Variants in MMP20 observed in about 807,000 individuals in gnomAD.
The protein encoded by MMP20 is matrix metalloproteinase-20.
In MMP20, 50 loss-of-function variants were observed where a neutral mutation model predicts 51.8. The observed-to-expected ratio is 0.97, with a 90% CI of 0.77 to 1.22. The LOEUF is 1.22. Ranked by LOEUF, MMP20 falls within the 50% of genes most tolerant of loss-of-function variation. The probability of loss-of-function intolerance (pLI) is 0.00; values close to 1 mark genes in which losing one functional copy is unlikely to be tolerated. For synonymous variants in MMP20, 244 were observed against 216.2 expected, an observed-to-expected ratio of 1.13 and a Z score of -1.13; for missense variants, 663 against 601.4, an observed-to-expected ratio of 1.10 and a Z score of -1.07.
intron 8 of MMP20, among the ~76,000 whole-genome samples, 174 bp downstream of exon 8, chr11:102,593,265 G>A (rs1311688486): frequency 6.6e-6 from 1 of 152,198 alleles, no homozygotes; most frequent in Non-Finnish European, 1.5e-5. Flanking sequence ...TCATCATTTT[G>A]ATGGTTCCAT....
intron 8 of MMP20, among the ~76,000 whole-genome samples, chr11:102,592,188 A>G (rs1859325253): frequency 6.6e-6 from 1 of 152,192 alleles, no homozygotes; most frequent in Non-Finnish European, 1.5e-5. Context: ...ACTTTAGAGA[A>G]TCATACTCTG....
intron 5 of MMP20, 116 bp from the exon 6 acceptor site, chr11:102,606,792 A>G: frequency 7.9e-7 from 1 of 1,270,288 alleles, no homozygotes; most frequent in Non-Finnish European, 1.1e-6. Context: ...GATCATGATC[A>G]TGGCTGTTGA....
At position 102,592,695 on chromosome 11, in the gene MMP20, CG is replaced by C. The variant is rs529972954; in HGVS notation, c.1247+743del. 4.9e-3 allele frequency among the ~76,000 whole-genome samples: 751 copies of C among 152,250 alleles called. 3 individuals carry two copies. The highest frequency in any genetic ancestry group is 0.017 in the African/African-American group (704 of 41,532). On this transcript the variant is annotated intron_variant, in intron 8 of 9. Transcript: ENST00000260228. ...TAGAATCTGCTTTTGCTTTTCTCTT[CG>C]GATGTTTAGATAAACAGGCAAAAAA...
At chr11:102,594,302 T>C (rs944655802) in intron 7 of MMP20, among the ~76,000 whole-genome samples, 2 of 152,208 alleles carry the variant, frequency 1.3e-5, no homozygotes, top group East Asian at 1.9e-4. Context: ...TTAAAGGATG[T>C]CAGTAGAGTA....
chr11:102,616,696 T>G, intron 2 of MMP20, 116 bp downstream of exon 2: 1 of 1,336,134 alleles, frequency 7.5e-7, no homozygotes, highest in East Asian at 2.4e-5. Flanking sequence ...CTTATTCTTA[T>G]GGTTGTGAGG....
At chr11:102,594,843 C>T in intron 6 of MMP20, 86 bp from the exon 7 acceptor site, 1 of 1,519,448 alleles carries the variant, frequency 6.6e-7, no homozygotes, top group Non-Finnish European at 8.9e-7. Context: ...CTGAAATGTA[C>T]TCAGAGGCCA....
chr11:102,624,222 A>G (rs1047454455), intron 1 of MMP20, among the ~76,000 whole-genome samples: 8 of 152,220 alleles, frequency 5.3e-5, no homozygotes, highest in African/African-American at 1.7e-4. Context: ...AGCAGCCCTG[A>G]GGCGGAGCTG....
At chr11:102,596,746 C>G (rs943440214) in intron 6 of MMP20, among the ~76,000 whole-genome samples, 12 of 152,194 alleles carry the variant, frequency 7.9e-5, no homozygotes, top group South Asian at 2.1e-4. Flanking sequence ...GTCACATGTC[C>G]GATCTCACCT....
rs199623165 is a variant in MMP20 at position 102,611,803 on chromosome 11, T to C, written c.475A>G (p.Arg159Gly). Reference protein sequence around the residue: ...WSSAVPLSFVRINSGEADIMI... With the variant: ...WSSAVPLSFVGINSGEADIMI... ...ATATCCGCTTCTCCTGAGTTTATTC[T>C]GACAAAGCTCAGAGGGACGGCGCTA... is the stretch of plus-strand genomic sequence containing the variant. Residue 159 changes from arginine (R) to glycine (G), a missense_variant, in exon 3 of 10, where the codon AGA (arginine) becomes GGA (glycine). Physicochemically the swap from Arg to Gly is moderately radical, Grantham distance 125. Coordinates refer to ENST00000260228, the MANE Select transcript of MMP20 (RefSeq NM_004771.4). 5 of 1,614,124 alleles carry C rather than the reference T, an allele frequency of 3.1e-6. No individual in the cohort carries two copies. Among genetic ancestry groups the C allele is most frequent in the African/African-American group, 1.3e-5 (1 of 74,946 alleles).
intron 6 of MMP20, 46 bp from the exon 7 acceptor site, chr11:102,594,803 G>C: frequency 6.3e-7 from 1 of 1,584,796 alleles, no homozygotes; most frequent in Non-Finnish European, 8.6e-7. Context: ...CAAGATCAAT[G>C]ATTGATTTAC....
In MMP20 at chr11:102,577,525, A is replaced by G. The variant is rs2292730; in HGVS notation, c.1352-99T>C. ...TCACTTTCTTAAAGTGTCACCAAAG[A>G]GGAATTGTGAATTTGTCAGGTGGCA... On this transcript the variant is annotated intron_variant, in intron 9 of 9. Coordinates refer to ENST00000260228, the MANE Select transcript of MMP20 (RefSeq NM_004771.4). 487,948 of 843,940 alleles carry G rather than the reference A, an allele frequency of 0.58. 144,235 individuals carry two copies. The highest frequency in any genetic ancestry group is 0.78 in the East Asian group (29,109 of 37,244). The allele number at this position is 843,940 out of a possible 1,614,324, so 52.3% of individuals were successfully genotyped here.
At chr11:102,579,192 G>A in intron 8 of MMP20, 50 bp from the exon 9 acceptor site, 1 of 1,308,036 alleles carries the variant, frequency 7.6e-7, no homozygotes, top group Non-Finnish European at 1.1e-6. Flanking sequence ...GTTTTTACTG[G>A]TTGTAGATGA....
chr11:102,581,949 G>A (rs1300648347), intron 8 of MMP20, among the ~76,000 whole-genome samples: 4 of 150,602 alleles, frequency 2.7e-5, no homozygotes, highest in Non-Finnish European at 6.0e-5. Flanking sequence ...TCATCACTGA[G>A]GTCTTGTTTG....
At chr11:102,620,040 A>G (rs1036363964) in intron 1 of MMP20, among the ~76,000 whole-genome samples, 3 of 152,248 alleles carry the variant, frequency 2.0e-5, no homozygotes, top group African/African-American at 7.2e-5. Context: ...CTAGTAAAAC[A>G]CTTGTCTCAT....
chr11:102,577,165 A>G lies in MMP20; in HGVS notation c.*161T>C, dbSNP rs1591605910. ...TGTGGATTGAAATTCTGATTATACA[A>G]CTATGAAAAAAATTGGAAGTATTAT... On this transcript the variant is annotated 3_prime_UTR_variant, in exon 10 of 10. Coordinates refer to ENST00000260228, the MANE Select transcript of MMP20 (RefSeq NM_004771.4). 1.6e-6 allele frequency: 1 copy of G among 623,998 alleles called. No individual in the cohort carries two copies. Among genetic ancestry groups the G allele is most frequent in the East Asian group, 2.8e-5 (1 of 35,200 alleles). The allele number at this position is 623,998 out of a possible 1,614,324, so 38.7% of individuals were successfully genotyped here.
At chr11:102,594,281 G>C (rs988702250) in intron 7 of MMP20, among the ~76,000 whole-genome samples, 1 of 152,138 alleles carries the variant, frequency 6.6e-6, no homozygotes, top group Non-Finnish European at 1.5e-5. Flanking sequence ...TTCCACACTG[G>C]CTTTTATTTA....
At chr11:102,582,530 G>T (rs1221401383) in intron 8 of MMP20, among the ~76,000 whole-genome samples, 2 of 152,102 alleles carry the variant, frequency 1.3e-5, no homozygotes, top group African/African-American at 2.4e-5. Flanking sequence ...GAATGAAGTG[G>T]GCTTTGTGAT....
At chr11:102,620,114 C>T (rs1329648112) in intron 1 of MMP20, among the ~76,000 whole-genome samples, 2 of 152,144 alleles carry the variant, frequency 1.3e-5, no homozygotes, top group African/African-American at 4.8e-5. Context: ...TTGCAACCTC[C>T]TTCCAGTCAG....
Position 102,606,617 on chromosome 11 carries a change from A to T in MMP20, c.871T>A (p.Ser291Thr). ...TLPHAPHHKP[S>T]IPDLCDSSSS... is the part of the protein sequence containing the mutation. ...CTGGAGTCACAGAGGTCAGGGATGG[A>T]TGGCTTGTGATGGGGGGCATGGGGC... is the stretch of plus-strand genomic sequence containing the variant. The change falls in exon 6 of 10, where the codon TCC becomes ACC. Residue 291 changes from serine (S) to threonine (T), a missense_variant. Coordinates refer to ENST00000260228, the MANE Select transcript of MMP20 (RefSeq NM_004771.4). 6.2e-7 allele frequency: 1 copy of T among 1,613,946 alleles called. No homozygotes were observed. The highest frequency in any genetic ancestry group is 8.5e-7 in the Non-Finnish European group (1 of 1,179,866).
Sources: allele counts gnomAD v4.1 joint callset (sites outside exome capture counted in the v4.1 genomes callset), GRCh38; gene constraint gnomAD v4.1.1; transcripts MANE v1.5; gene names NCBI Gene and HGNC (gene_info 2026-07-23, HGNC 2026-07-21).